PCDHGC4: variants seen among roughly 807,000 people sequenced by gnomAD.
The protein encoded by PCDHGC4 is protocadherin gamma subfamily C, 4.
In PCDHGC4, 15 loss-of-function variants were observed where a neutral mutation model predicts 59.7. That is an observed-to-expected ratio of 0.25 (90% CI 0.17 to 0.39). PCDHGC4 has a LOEUF of 0.39. Among genes scored for constraint, PCDHGC4 ranks in the 10% least tolerant of loss-of-function variants. The pLI is 1.00. For missense variants in PCDHGC4, 1,016 were observed against 1,189.5 expected, an observed-to-expected ratio of 0.85 and a Z score of 2.15; for synonymous variants, 434 against 481.4, an observed-to-expected ratio of 0.90 and a Z score of 1.29.
Position 141,491,713 on chromosome 5 carries a change from G to T in PCDHGC4, c.2443-3094G>T. The T allele has an allele frequency of 6.2e-7, 1 of 1,609,174 alleles. No individual in the cohort carries two copies. The highest frequency in any genetic ancestry group is 8.5e-7 in the Non-Finnish European group (1 of 1,178,054). On this transcript the variant is annotated intron_variant, in intron 1 of 3. Transcript: ENST00000306593. The surrounding 1 kb of genome is among the most constrained non-coding windows in gnomAD (Gnocchi z 6.9). ...GGAGCGGAGCCAGGTGAGGGGCTCG[G>T]CGCCGCCCCGGGCGACCCCTGGGGG...
At chr5:141,501,313 ACAC>A (rs2099807743) in intron 2 of PCDHGC4, among the ~76,000 whole-genome samples, 1 of 151,686 alleles carries the variant, frequency 6.6e-6, no homozygotes, top group Non-Finnish European at 1.5e-5. Context: ...ACACACACAC[ACAC>A]ACACACACAC....
In PCDHGC4 at chr5:141,511,007, G is replaced by C. The variant is rs780918754; in HGVS notation, c.2651G>C (p.Arg884Pro). Residue 884 changes from arginine to proline, a missense_variant, in exon 4 of 4, where the codon CGC (arginine) becomes CCC (proline). Physicochemically the swap from Arg to Pro is moderately radical, Grantham distance 103. Coordinates refer to ENST00000306593, the MANE Select transcript of PCDHGC4 (RefSeq NM_018928.3). Reference protein sequence around the residue: ...GGAGTMGLSARYGPQFTLQHV... With the variant: ...GGAGTMGLSAPYGPQFTLQHV... ...GCCGGCACCATGGGATTGAGCGCCC[G>C]CTACGGACCCCAGTTCACCCTGCAG... The C allele has an allele frequency of 1.9e-6, 3 of 1,614,042 alleles. No homozygotes were observed. The highest frequency in any genetic ancestry group is 2.7e-5 in the African/African-American group (2 of 74,910).
intron 2 of PCDHGC4, among the ~76,000 whole-genome samples, chr5:141,500,381 T>G (rs1013284512): frequency 7.2e-5 from 11 of 151,786 alleles, no homozygotes; most frequent in African/African-American, 2.7e-4. Flanking sequence ...GCTAATTATT[T>G]TGTATTTTTA....
chr5:141,487,452 T>A lies in PCDHGC4; in HGVS notation c.2279T>A (p.Ile760Asn), dbSNP rs778695562. 40 of 1,614,046 alleles carry A rather than the reference T, an allele frequency of 2.5e-5. No homozygotes were observed. The highest frequency in any genetic ancestry group is 3.4e-5 in the Non-Finnish European group (40 of 1,180,004). Residue 760 changes from isoleucine (I) to asparagine (N), a missense_variant, in exon 1 of 4, where the codon ATC (isoleucine) becomes AAC (asparagine). Physicochemically the swap from Ile to Asn is moderately radical, Grantham distance 149. Coordinates refer to ENST00000306593, the MANE Select transcript of PCDHGC4 (RefSeq NM_018928.3). This position sits in a 1 kb window ranked among gnomAD's most constrained non-coding sequence, Gnocchi z 5.0. ...LRIQLGSDDP[I>N]KFVDVGGHSH... ...ATCCAGCTAGGGTCAGATGACCCTA[T>A]CAAGTTTGTTGATGTGGGAGGCCAC... is the stretch of plus-strand genomic sequence containing the variant.
rs2099641707 is a variant in PCDHGC4 at position 141,487,238 on chromosome 5, C to T, written c.2065C>T (p.Leu689=). 1.2e-6 allele frequency: 2 copies of T among 1,614,056 alleles called. No individual in the cohort carries two copies. The highest frequency in any genetic ancestry group is 1.7e-6 in the Non-Finnish European group (2 of 1,180,022). The change falls in exon 1 of 4, where the codon CTA becomes TTA. Residue 689 remains leucine (L), a synonymous_variant. Transcript: ENST00000306593. This position sits in a 1 kb window ranked among gnomAD's most constrained non-coding sequence, Gnocchi z 5.0. ...AGCTCCAAGGGAAGGAGAATCTCGT[C>T]TAACCCTCTACTTGGCTGTGTCCCT... ...SSAPREGESR[L]TLYLAVSLVA...
chr5:141,494,778 C>CA, intron 1 of PCDHGC4, 29 bp from the exon 2 acceptor site: 1 of 1,614,086 alleles, frequency 6.2e-7, no homozygotes, highest in Non-Finnish European at 8.5e-7. Context: ...CACGGGTACT[C>CA]AGCCCCTTTC....
chr5:141,492,740 C>T (rs1364102818), intron 1 of PCDHGC4, among the ~76,000 whole-genome samples: 1 of 152,238 alleles, frequency 6.6e-6, no homozygotes, highest in African/African-American at 2.4e-5. Context: ...GCCCAGTGGC[C>T]GAGGCGCGGC....
Position 141,486,785 on chromosome 5 carries a change from C to G in PCDHGC4, c.1612C>G (p.Arg538Gly), listed in dbSNP as rs763174232. The G allele has an allele frequency of 2.8e-5, 45 of 1,614,102 alleles. No homozygotes were observed. The highest frequency in any genetic ancestry group is 3.6e-5 in the Non-Finnish European group (42 of 1,180,050). Residue 538 changes from arginine to glycine, a missense_variant, in exon 1 of 4, where the codon CGG (arginine) becomes GGG (glycine). Coordinates refer to ENST00000306593, the MANE Select transcript of PCDHGC4 (RefSeq NM_018928.3). The surrounding 1 kb of genome is among the most constrained non-coding windows in gnomAD (Gnocchi z 5.0). ...TQTLQFEVQA[R>G]DRGNPPLSST... ...GACACTGCAGTTTGAGGTGCAGGCC[C>G]GGGATCGGGGCAACCCACCCCTTAG... is the stretch of plus-strand genomic sequence containing the variant.
At chr5:141,498,105 G>A (rs150297456) in intron 2 of PCDHGC4, among the ~76,000 whole-genome samples, 4 of 152,206 alleles carry the variant, frequency 2.6e-5, no homozygotes, top group African/African-American at 9.7e-5. Flanking sequence ...TGGTGTGGGC[G>A]TATAATAGGG....
At position 141,486,254 on chromosome 5, in the gene PCDHGC4, G is replaced by A. The variant is rs2099626723; in HGVS notation, c.1081G>A (p.Glu361Lys). ...TVTSELGTLP[E>K]SAEPGTVVAL... ...GACCTCAGAGCTTGGAACCCTCCCCGAGAGTGCAGAACCTGGCACTGTGGT... is the reference window on the plus strand; with the variant it reads ...GACCTCAGAGCTTGGAACCCTCCCCAAGAGTGCAGAACCTGGCACTGTGGT... The change falls in exon 1 of 4, where the codon GAG becomes AAG. Residue 361 changes from glutamate to lysine, a missense_variant. Physicochemically the swap from Glu to Lys is moderately conservative, Grantham distance 56. Transcript: ENST00000306593. This position sits in a 1 kb window ranked among gnomAD's most constrained non-coding sequence, Gnocchi z 5.0. The A allele has an allele frequency of 1.2e-6, 2 of 1,613,992 alleles. No individual in the cohort carries two copies. Among genetic ancestry groups the A allele is most frequent in the Non-Finnish European group, 1.7e-6 (2 of 1,179,982 alleles).
Position 141,489,902 on chromosome 5 carries a change from C to T in PCDHGC4, c.2442+2287C>T. The T allele has an allele frequency of 6.2e-7, 1 of 1,614,218 alleles. No individual in the cohort carries two copies. The highest frequency in any genetic ancestry group is 8.5e-7 in the Non-Finnish European group (1 of 1,180,032). On this transcript the variant is annotated intron_variant, in intron 1 of 3. Transcript: ENST00000306593. This position sits in a 1 kb window ranked among gnomAD's most constrained non-coding sequence, Gnocchi z 4.5. Reference sequence around the variant, plus strand: ...ACTGCTGTGGATGGGGGGACCCCAGCCCGCTCAGGGACCACCCTTATCTCT... The same window carrying T: ...ACTGCTGTGGATGGGGGGACCCCAGTCCGCTCAGGGACCACCCTTATCTCT...
chr5:141,502,062 A>G (rs530211521), intron 2 of PCDHGC4, among the ~76,000 whole-genome samples: 2 of 152,146 alleles, frequency 1.3e-5, no homozygotes, highest in South Asian at 4.2e-4. Flanking sequence ...TATTCCCATT[A>G]GCCCCCTTCA....
At position 141,486,827 on chromosome 5, in the gene PCDHGC4, C is replaced by G. The variant is rs758132181; in HGVS notation, c.1654C>G (p.Arg552Gly). 1.2e-6 allele frequency: 2 copies of G among 1,614,228 alleles called. No homozygotes were observed. Among genetic ancestry groups the G allele is most frequent in the Admixed American group, 1.7e-5 (1 of 60,034 alleles). The change falls in exon 1 of 4, where the codon CGT becomes GGT. Residue 552 changes from arginine (R) to glycine (G), a missense_variant. Transcript: ENST00000306593. This position sits in a 1 kb window ranked among gnomAD's most constrained non-coding sequence, Gnocchi z 5.0. Reference protein sequence around the residue: ...NPPLSSTVTVRLFVLDLNDNA... With the variant: ...NPPLSSTVTVGLFVLDLNDNA... ...ACCCCTTAGCAGCACTGTAACAGTTCGTCTATTTGTGCTGGACCTCAATGA... is the reference window on the plus strand; with the variant it reads ...ACCCCTTAGCAGCACTGTAACAGTTGGTCTATTTGTGCTGGACCTCAATGA...
rs367905789 is a variant in PCDHGC4 at position 141,487,335 on chromosome 5, G to A, written c.2162G>A (p.Cys721Tyr). 11 of 1,614,064 alleles carry A rather than the reference G, an allele frequency of 6.8e-6. No individual in the cohort carries two copies. The highest frequency in any genetic ancestry group is 8.5e-6 in the Non-Finnish European group (10 of 1,180,044). ...LLSKCLRGAA[C>Y]GVTCFPAGTC... Reference sequence around the variant, plus strand: ...TCTAAGTGTCTTCGTGGGGCAGCCTGTGGAGTCACATGCTTTCCTGCTGGC... The same window carrying A: ...TCTAAGTGTCTTCGTGGGGCAGCCTATGGAGTCACATGCTTTCCTGCTGGC... Residue 721 changes from cysteine to tyrosine, a missense_variant, in exon 1 of 4, where the codon TGT (cysteine) becomes TAT (tyrosine). Transcript: ENST00000306593. This position sits in a 1 kb window ranked among gnomAD's most constrained non-coding sequence, Gnocchi z 5.0.
Position 141,490,845 on chromosome 5 carries a change from G to T in PCDHGC4, c.2442+3230G>T, listed in dbSNP as rs748605746. The T allele has an allele frequency of 1.4e-5, 22 of 1,613,726 alleles. No individual in the cohort carries two copies. The highest frequency in any genetic ancestry group is 1.7e-5 in the Non-Finnish European group (20 of 1,179,894). On this transcript the variant is annotated intron_variant, in intron 1 of 3. Coordinates refer to ENST00000306593, the MANE Select transcript of PCDHGC4 (RefSeq NM_018928.3). This position sits in a 1 kb window ranked among gnomAD's most constrained non-coding sequence, Gnocchi z 5.4. ...TGCAGATGCTGCAGATTGTGGTGGG[G>T]GTTCGAGACTCCGGCTCTCCCCCAT...
At chr5:141,501,298 C>T (rs998006748) in intron 2 of PCDHGC4, among the ~76,000 whole-genome samples, 216 of 148,422 alleles carry the variant, frequency 1.5e-3, no homozygotes, top group Admixed American at 2.4e-3. Context: ...TATACACACA[C>T]ACACACACAC....
chr5:141,500,182 A>ATTTT lies in PCDHGC4; in HGVS notation c.2502-5209_2502-5206dup, dbSNP rs1199992745. Among the ~76,000 whole-genome samples the ATTTT allele has an allele frequency of 1.7e-3, 223 of 131,716 alleles. 2 individuals are homozygous for ATTTT. Among genetic ancestry groups the ATTTT allele is most frequent in the African/African-American group, 6.2e-3 (201 of 32,350 alleles). The allele number at this position is 131,716 out of a possible 152,430, so 86.4% of individuals were successfully genotyped here. On this transcript the variant is annotated intron_variant, in intron 2 of 3. Transcript: ENST00000306593. ...AAGAACATGCATGAGCTTCATTTTT[A>ATTTT]TTTTTATTTATTTATTTATTTATTT...
chr5:141,503,377 A>G lies in PCDHGC4; in HGVS notation c.2502-2016A>G, dbSNP rs534841057. Among the ~76,000 whole-genome samples, 4 of 152,142 alleles carry G rather than the reference A, an allele frequency of 2.6e-5. No homozygotes were observed. In the East Asian group the frequency reaches 7.8e-4, roughly 30 times the overall value. The stretch of plus-strand genomic sequence containing the variant: ...TTTGGGAAGCGGAGGCAGGTGGATC[A>G]TGAGGTCAGGAGTTCGAAACCAACC... On this transcript the variant is annotated intron_variant, in intron 2 of 3. Coordinates refer to ENST00000306593, the MANE Select transcript of PCDHGC4 (RefSeq NM_018928.3).
chr5:141,491,353 T>A lies in PCDHGC4; in HGVS notation c.2443-3454T>A. On this transcript the variant is annotated intron_variant, in intron 1 of 3. Coordinates refer to ENST00000306593, the MANE Select transcript of PCDHGC4 (RefSeq NM_018928.3). This position sits in a 1 kb window ranked among gnomAD's most constrained non-coding sequence, Gnocchi z 6.9. ...GGCTCTAGCGACCGTCAGTCTCTTATCCCTAGTCACCTTCACCTTTCTGTC... is the reference window on the plus strand; with the variant it reads ...GGCTCTAGCGACCGTCAGTCTCTTAACCCTAGTCACCTTCACCTTTCTGTC... The A allele has an allele frequency of 6.2e-7, 1 of 1,614,160 alleles. No homozygotes were observed. Among genetic ancestry groups the A allele is most frequent in the South Asian group, 1.1e-5 (1 of 91,080 alleles).
Sources: gnomAD v4.1 joint callset for allele counts (sites outside exome capture counted in the v4.1 genomes callset) on GRCh38, gnomAD v4.1.1 for gene constraint, Gnocchi (gnomAD v3.1) non-coding constraint, MANE v1.5 for transcripts, NCBI Gene and HGNC (gene_info 2026-07-23, HGNC 2026-07-21) for gene names.